ZNF106: variants seen among roughly 807,000 people sequenced by gnomAD.
The protein encoded by ZNF106 is zinc finger protein 106.
ZNF106 carries 67 observed loss-of-function variants against 195.1 expected under a neutral mutation model. The observed-to-expected ratio is 0.34, with a 90% CI of 0.28 to 0.42. The LOEUF is 0.42. ZNF106 is among the 10% of genes least tolerant of loss of function. The pLI is 1.00. For missense variants in ZNF106, 2,118 were observed against 2,304.5 expected, an observed-to-expected ratio of 0.92 and a Z score of 1.66; for synonymous variants, 784 against 818.6, an observed-to-expected ratio of 0.96 and a Z score of 0.72.
intron 1 of ZNF106, among the ~76,000 whole-genome samples, chr15:42,472,838 C>A (rs1221787744): frequency 6.6e-6 from 1 of 151,850 alleles, no homozygotes; most frequent in African/African-American, 2.4e-5. Context: ...GGTGAAACCC[C>A]GTCTCTACTC....
chr15:42,451,071 G>A lies in ZNF106; in HGVS notation c.1201C>T (p.Pro401Ser), dbSNP rs781529625. Residue 401 changes from proline to serine, a missense_variant, in exon 5 of 22, where the codon CCT (proline) becomes TCT (serine). Physicochemically the swap from Pro to Ser is moderately conservative, Grantham distance 74 (BLOSUM62 -1). Coordinates refer to ENST00000564754, the MANE Select transcript of ZNF106 (RefSeq NM_001366845.3). ...TGNKSEMIEKPLFDFSLITTG... is the reference protein window; with the variant it reads ...TGNKSEMIEKSLFDFSLITTG... ...GTTATCAAGCTAAAATCAAAGAGAG[G>A]TTTCTCTATCATTTCTGACTTGTTA... 1.9e-6 allele frequency: 3 copies of A among 1,614,164 alleles called. No individual in the cohort carries two copies. Among genetic ancestry groups the A allele is most frequent in the Non-Finnish European group, 2.5e-6 (3 of 1,180,028 alleles).
At chr15:42,481,577 C>T (rs778000795) in intron 1 of ZNF106, among the ~76,000 whole-genome samples, 5 of 151,984 alleles carry the variant, frequency 3.3e-5, no homozygotes, top group African/African-American at 7.2e-5. Context: ...CCAGGCTGGT[C>T]TCAAACTCCT....
intron 10 of ZNF106, among the ~76,000 whole-genome samples, chr15:42,440,741 G>C (rs971361387): frequency 6.6e-6 from 1 of 151,644 alleles, no homozygotes; most frequent in Non-Finnish European, 1.5e-5. Context: ...CCAGCACTTT[G>C]GAAGGCTGAG....
intron 15 of ZNF106, among the ~76,000 whole-genome samples, chr15:42,426,795 T>C (rs2054875895): frequency 6.6e-6 from 1 of 152,192 alleles, no homozygotes; most frequent in Admixed American, 6.5e-5. Context: ...TTTACTTTCC[T>C]CTCCATTTCT....
rs528240073 is a variant in ZNF106 at position 42,482,864 on chromosome 15, T to G, written c.-33+8116A>C. Reference sequence around the variant, plus strand: ...TTATTTCATCCTCAGCTGGGCTTCTTTGGAGTCTGCTCCACATATGCATAA... The same window carrying G: ...TTATTTCATCCTCAGCTGGGCTTCTGTGGAGTCTGCTCCACATATGCATAA... On this transcript the variant is annotated intron_variant, in intron 1 of 21. Transcript: ENST00000564754. Among the ~76,000 whole-genome samples the G allele has an allele frequency of 1.1e-4, 17 of 152,252 alleles. No individual in the cohort carries two copies. The South Asian group carries it at 2.9e-3, about 26-fold the overall frequency.
At chr15:42,442,479 A>C in intron 9 of ZNF106, 65 bp from the exon 10 acceptor site, 2 of 1,361,598 alleles carry the variant, frequency 1.5e-6, no homozygotes, top group Non-Finnish European at 2.0e-6. Flanking sequence ...TTTGTGTCTG[A>C]GCTAATTTGT....
Position 42,442,286 on chromosome 15 carries a change from C to T in ZNF106, c.3550G>A (p.Glu1184Lys), listed in dbSNP as rs200986650. The change falls in exon 10 of 22, where the codon GAG (glutamate) becomes AAG (lysine). Residue 1184 changes from glutamate to lysine, a missense_variant. Physicochemically the swap from Glu to Lys is moderately conservative, Grantham distance 56. Coordinates refer to ENST00000564754, the MANE Select transcript of ZNF106 (RefSeq NM_001366845.3). ...GGAGACACATGGGAAGATGGAGGCT[C>T]CAGAAAAAGTGGGAAAAAGGGAGTG... The part of the protein sequence containing the change: ...LPTPFFPLFL[E>K]PPSSHVSPSP... The T allele has an allele frequency of 2.3e-5, 37 of 1,613,846 alleles. No individual in the cohort carries two copies. The highest frequency in any genetic ancestry group is 2.2e-5 in the East Asian group (1 of 44,894).
chr15:42,449,912 C>G lies in ZNF106; in HGVS notation c.2360G>C (p.Arg787Pro). The change falls in exon 5 of 22, where the codon CGA (arginine) becomes CCA (proline). Residue 787 changes from arginine (R) to proline (P), a missense_variant. Transcript: ENST00000564754. ...AGACTCCTTCTCTGTCTCACTCTTT[C>G]GGTGACCGCTAATATTGCGAATGCG... ...ARRIRNISGH[R>P]KSETEKESGL... The G allele has an allele frequency of 3.1e-6, 5 of 1,614,140 alleles. No individual in the cohort carries two copies. The highest frequency in any genetic ancestry group is 4.2e-6 in the Non-Finnish European group (5 of 1,180,026).
In ZNF106 at chr15:42,414,451, A is replaced by C. The variant is rs558065008; in HGVS notation, c.*2853T>G. On this transcript the variant is annotated 3_prime_UTR_variant, in exon 22 of 22. Transcript: ENST00000564754. ...GGCATACTGCCACTGCTTCAAAAAA[A>C]GCCTTTGTGAAATGAAGAAAAATAT... is the stretch of plus-strand genomic sequence containing the variant. The C allele has an allele frequency of 6.6e-6, 1 of 152,272 alleles. No individual in the cohort carries two copies. Among genetic ancestry groups the C allele is most frequent in the African/African-American group, 2.4e-5 (1 of 41,478 alleles). 9.4% of individuals were successfully genotyped at this position (152,272 alleles called of 1,614,324 possible). A position where few individuals can be genotyped will look rare whatever the true frequency, so the allele number is the denominator to read the frequency against.
Position 42,448,143 on chromosome 15 carries a change from C to T in ZNF106, c.3064G>A (p.Asp1022Asn). 6.2e-7 allele frequency: 1 copy of T among 1,614,162 alleles called. No individual in the cohort carries two copies. The highest frequency in any genetic ancestry group is 8.5e-7 in the Non-Finnish European group (1 of 1,180,026). ...TCAGCACCAGAGGTACAGCTACTAT[C>T]TGTGGCTGCATCCGCTAAACTGGAG... ...AISSLADAATDSSCTSGAEQN... is the reference protein window; with the variant it reads ...AISSLADAATNSSCTSGAEQN... The change falls in exon 6 of 22, where the codon GAT becomes AAT. Residue 1022 changes from aspartate (D) to asparagine (N), a missense_variant. By Grantham distance (23) the Asp-to-Asn change is conservative. Transcript: ENST00000564754.
intron 12 of ZNF106, 123 bp downstream of exon 12, chr15:42,438,489 G>A (rs1012984875): frequency 1.6e-5 from 13 of 817,212 alleles, no homozygotes; most frequent in Admixed American, 1.3e-4. Flanking sequence ...AATCCTCTTG[G>A]TGATAAACCC....
At chr15:42,419,995 C>T (rs199695483) in intron 20 of ZNF106, among the ~76,000 whole-genome samples, 460 of 152,224 alleles carry the variant, frequency 3.0e-3, no homozygotes, top group African/African-American at 0.011. Flanking sequence ...TTAAGTTTTT[C>T]CTCTGTCAGT....
intron 3 of ZNF106, chr15:42,457,637 T>A: frequency 1.5e-6 from 1 of 685,934 alleles, no homozygotes; most frequent in Non-Finnish European, 1.8e-6. Context: ...CAATCCCAAG[T>A]CGGTAACTAA....
At chr15:42,435,629 T>C (rs2055246233) in intron 13 of ZNF106, 111 bp from the exon 14 acceptor site, 6 of 1,318,576 alleles carry the variant, frequency 4.6e-6, no homozygotes, top group Non-Finnish European at 6.4e-6. Context: ...TGTATCCTCA[T>C]GTCTAAAACA....
chr15:42,477,290 T>C (rs1193640385), intron 1 of ZNF106, among the ~76,000 whole-genome samples: 1 of 152,230 alleles, frequency 6.6e-6, no homozygotes, highest in East Asian at 1.9e-4. Context: ...TCTTTTCCAA[T>C]AAATATATTT....
At chr15:42,418,685 G>A (rs144998377) in intron 20 of ZNF106, among the ~76,000 whole-genome samples, 7 of 151,696 alleles carry the variant, frequency 4.6e-5, no homozygotes, top group African/African-American at 1.7e-4. Context: ...CGCCCGAAAG[G>A]GCTATTTTTA....
rs773969889 is a variant in ZNF106, at chr15:42,438,681, G to C, written c.4545-14C>G. 1 of 1,612,542 alleles carries C rather than the reference G, an allele frequency of 6.2e-7. No homozygotes were observed. The highest frequency in any genetic ancestry group is 1.7e-5 in the Admixed American group (1 of 59,946). On this transcript the variant is annotated splice_polypyrimidine_tract_variant and intron_variant, in intron 11 of 21. Coordinates refer to ENST00000564754, the MANE Select transcript of ZNF106 (RefSeq NM_001366845.3). ...GTTTCTGCCACACTACAAAATAATA[G>C]CAAAAGTGTTCTCAGCATCTGTGTG... is the stretch of plus-strand genomic sequence containing the variant.
Position 42,450,227 on chromosome 15 carries a change from G to A in ZNF106, c.2045C>T (p.Ala682Val), listed in dbSNP as rs2055944298. 6 of 1,614,072 alleles carry A rather than the reference G, an allele frequency of 3.7e-6. No homozygotes were observed. Among genetic ancestry groups the A allele is most frequent in the Non-Finnish European group, 4.2e-6 (5 of 1,180,040 alleles). Residue 682 changes from alanine (A) to valine (V), a missense_variant, in exon 5 of 22, where the codon GCA (alanine) becomes GTA (valine). Physicochemically the swap from Ala to Val is moderately conservative, Grantham distance 64. Transcript: ENST00000564754. The part of the protein sequence containing the change: ...QKESELQMTS[A>V]ASPHPGLLLD... ...CAATAAGCCAGGGTGTGGACTGGCTGCAGATGTCATTTGTAATTCAGATTC... is the reference window on the plus strand; with the variant it reads ...CAATAAGCCAGGGTGTGGACTGGCTACAGATGTCATTTGTAATTCAGATTC...
intron 14 of ZNF106, among the ~76,000 whole-genome samples, chr15:42,434,784 T>G (rs963848827): frequency 6.6e-6 from 1 of 151,448 alleles, no homozygotes; most frequent in Non-Finnish European, 1.5e-5. Context: ...TTTTTTTTTT[T>G]TTTCCTGAGA....
Sources: gnomAD v4.1 joint callset for allele counts (sites outside exome capture counted in the v4.1 genomes callset) on GRCh38, gnomAD v4.1.1 for gene constraint, MANE v1.5 for transcripts, NCBI Gene and HGNC (gene_info 2026-07-23, HGNC 2026-07-21) for gene names.